Variants in SYAP1 observed in about 807,000 individuals in gnomAD.
SYAP1 encodes the protein synapse-associated protein 1.
A neutral mutation model predicts 29.6 loss-of-function variants in SYAP1; 3 were observed. The observed-to-expected ratio is 0.10, with a 90% confidence interval of 0.05 to 0.26. The LOEUF is 0.26. Ranked by LOEUF, SYAP1 falls within the 10% of genes least tolerant of loss-of-function variation. The pLI is 1.00. For missense variants in SYAP1, 217 were observed against 264.1 expected (o/e 0.82, Z 1.24); for synonymous variants, 102 against 102.7 (o/e 0.99, Z 0.04).
In SYAP1 at chrX:16,757,219, G is replaced by T; in HGVS notation, c.841G>T (p.Asp281Tyr). ...GVSEFVSDAF[D>Y]ACNLNQEDLR... Reference sequence around the variant, plus strand: ...TTCTGAGTTTGTCAGTGATGCCTTCGATGCCTGTAACCTAAATCAGGAAGA... The same window carrying T: ...TTCTGAGTTTGTCAGTGATGCCTTCTATGCCTGTAACCTAAATCAGGAAGA... The change falls in exon 8 of 9, where the codon GAT becomes TAT. Residue 281 changes from aspartate to tyrosine, a missense_variant. Coordinates refer to ENST00000380155, the MANE Select transcript of SYAP1 (RefSeq NM_032796.4). 1 of 1,210,559 alleles carries T rather than the reference G, an allele frequency of 8.3e-7. No homozygotes were observed. The highest frequency in any genetic ancestry group is 1.1e-6 in the Non-Finnish European group (1 of 894,765).
At chrX:16,731,141 A>G (rs772861720) in intron 1 of SYAP1, among the ~76,000 whole-genome samples, 1 of 112,040 alleles carries the variant, frequency 8.9e-6, no homozygotes, top group East Asian at 2.8e-4. Context: ...GAGTTAGACA[A>G]AAATTAGTTA....
intron 1 of SYAP1, among the ~76,000 whole-genome samples, chrX:16,732,530 C>T (rs887934070): frequency 9.0e-6 from 1 of 111,293 alleles, no homozygotes; most frequent in African/African-American, 3.3e-5. Context: ...CCTCGGCCTC[C>T]CAAAGTGCTG....
chrX:16,742,143 GTTT>G (rs144175479), intron 4 of SYAP1, among the ~76,000 whole-genome samples: 11 of 41,872 alleles, frequency 2.6e-4, no homozygotes, highest in African/African-American at 1.5e-3. Flanking sequence ...TTTTTGTGTG[GTTT>G]TTTTTTTTTT....
At chrX:16,754,587 G>T (rs991816964) in intron 5 of SYAP1, among the ~76,000 whole-genome samples, 6 of 110,861 alleles carry the variant, frequency 5.4e-5, no homozygotes, top group African/African-American at 2.0e-4. Flanking sequence ...AATTAGCTGT[G>T]CATGGTGGCG....
intron 1 of SYAP1, among the ~76,000 whole-genome samples, chrX:16,730,221 G>A (rs930819423): frequency 1.8e-5 from 2 of 111,531 alleles, no homozygotes; most frequent in African/African-American, 6.5e-5. Context: ...GGGCGTGGTG[G>A]CAGGTGCCTA....
Position 16,732,845 on chromosome X carries a change from G to A in SYAP1, c.176-2382G>A, listed in dbSNP as rs773493785. ...GGTCATCCGCTGGGGATACAGTGGG[G>A]TATCAGACAGCCCAGGTCCCTGCAC... On this transcript the variant is annotated intron_variant, in intron 1 of 8. Transcript: ENST00000380155. Among the ~76,000 whole-genome samples, 12 of 112,213 alleles carry A rather than the reference G, an allele frequency of 1.1e-4. No homozygotes were observed. In the South Asian group the frequency reaches 4.4e-3, roughly 41 times the overall value.
chrX:16,725,170 G>A (rs2147415326), intron 1 of SYAP1, among the ~76,000 whole-genome samples: 1 of 112,410 alleles, frequency 8.9e-6, no homozygotes, highest in South Asian at 3.7e-4. Flanking sequence ...TTAAATGTTA[G>A]CTGTCGGCCC....
Position 16,762,807 on chromosome X carries a change from G to C in SYAP1, c.*2448G>C, listed in dbSNP as rs1330323151. On this transcript the variant is annotated 3_prime_UTR_variant, in exon 9 of 9. Transcript: ENST00000380155. ...CAGTTGATGTTACTAAGAACGCCCA[G>C]GGGATGAGAATGGACTTTATTTACA... is the stretch of plus-strand genomic sequence containing the variant. The C allele has an allele frequency of 9.0e-6, 1 of 111,608 alleles. No homozygotes were observed. Among genetic ancestry groups the C allele is most frequent in the Non-Finnish European group, 1.9e-5 (1 of 53,164 alleles). 9.2% of individuals were successfully genotyped at this position (111,608 alleles called of 1,213,427 possible). A position where few individuals can be genotyped will look rare whatever the true frequency, so the allele number is the denominator to read the frequency against.
Position 16,738,759 on chromosome X carries a change from T to C in SYAP1, c.361+2527T>C, listed in dbSNP as rs760039557. Among the ~76,000 whole-genome samples, 8 of 108,903 alleles carry C rather than the reference T, an allele frequency of 7.3e-5. No individual in the cohort carries two copies. In the East Asian group the frequency reaches 2.3e-3, roughly 32 times the overall value. The allele number at this position is 108,903 out of a possible 115,157, so 94.6% of individuals were successfully genotyped here. A position where few individuals can be genotyped will look rare whatever the true frequency, so the allele number is the denominator to read the frequency against. The stretch of plus-strand genomic sequence containing the variant: ...TAGCAGAAGCCCAGAGAGGGGAGAG[T>C]TTCCAGGAGAGCAGTCAGCCATGGG... On this transcript the variant is annotated intron_variant, in intron 3 of 8. Transcript: ENST00000380155.
Position 16,729,038 on chromosome X carries a change from C to T in SYAP1, c.176-6189C>T, listed in dbSNP as rs574250028. 1.2e-4 allele frequency among the ~76,000 whole-genome samples: 9 copies of T among 73,518 alleles called. No individual in the cohort carries two copies. In the South Asian group the frequency reaches 4.4e-3, roughly 36 times the overall value. The allele number at this position is 73,518 out of a possible 115,157, so 63.8% of individuals were successfully genotyped here. Reference sequence around the variant, plus strand: ...TGGGCAACAGAGCGAGCAGCTATCTCGAAAAAAAAAAAAGAAAAAAAAAAA... The same window carrying T: ...TGGGCAACAGAGCGAGCAGCTATCTTGAAAAAAAAAAAAGAAAAAAAAAAA... On this transcript the variant is annotated intron_variant, in intron 1 of 8. Transcript: ENST00000380155.
intron 1 of SYAP1, among the ~76,000 whole-genome samples, chrX:16,728,589 C>T (rs919771214): frequency 2.7e-5 from 3 of 109,733 alleles, no homozygotes; most frequent in Non-Finnish European, 5.7e-5. Flanking sequence ...CACTTGAACC[C>T]GGGAGGCGGA....
chrX:16,738,684 T>G (rs984844140), intron 3 of SYAP1, among the ~76,000 whole-genome samples: 2 of 109,960 alleles, frequency 1.8e-5, no homozygotes, highest in Non-Finnish European at 3.8e-5. Context: ...AAAAAGAAAA[T>G]AAAAACAGTG....
At position 16,764,885 on chromosome X, in the gene SYAP1, G is replaced by C. The variant is rs1418170639; in HGVS notation, c.*4526G>C. 4.6e-5 allele frequency: 5 copies of C among 109,589 alleles called. No individual in the cohort carries two copies. The highest frequency in any genetic ancestry group is 9.5e-5 in the Non-Finnish European group (5 of 52,791). The allele number at this position is 109,589 out of a possible 1,213,427, so 9.0% of individuals were successfully genotyped here. A position where few individuals can be genotyped will look rare whatever the true frequency, so the allele number is the denominator to read the frequency against. On this transcript the variant is annotated 3_prime_UTR_variant, in exon 9 of 9. Coordinates refer to ENST00000380155, the MANE Select transcript of SYAP1 (RefSeq NM_032796.4). ...AATTTTTGTATTTTTTGTAGAGATGGGTGTCTCCCCATGTTGCTCAGGCTG... is the reference window on the plus strand; with the variant it reads ...AATTTTTGTATTTTTTGTAGAGATGCGTGTCTCCCCATGTTGCTCAGGCTG...
Position 16,755,086 on chromosome X carries a change from G to C in SYAP1, c.717G>C (p.Pro239=). 8.3e-7 allele frequency: 1 copy of C among 1,211,220 alleles called. No homozygotes were observed. Among genetic ancestry groups the C allele is most frequent in the Non-Finnish European group, 1.1e-6 (1 of 895,161 alleles). ...GCAATGGCAGAGAGCAAGATTTGCCGCTGGCAGGTATATTCTGGGTAGAAG... is the reference window on the plus strand; with the variant it reads ...GCAATGGCAGAGAGCAAGATTTGCCCCTGGCAGGTATATTCTGGGTAGAAG... The part of the protein sequence containing the change: ...EKSNGREQDL[P]LAEAVRPKTP... Residue 239 remains proline (P), a synonymous_variant, in exon 6 of 9, where the codon CCG becomes CCC. Coordinates refer to ENST00000380155, the MANE Select transcript of SYAP1 (RefSeq NM_032796.4).
intron 5 of SYAP1, among the ~76,000 whole-genome samples, chrX:16,747,656 A>C (rs1446247378): frequency 8.8e-6 from 1 of 113,025 alleles, no homozygotes; most frequent in Non-Finnish European, 1.9e-5. Context: ...GTATTTGGCA[A>C]TTAGTGTTTC....
intron 5 of SYAP1, among the ~76,000 whole-genome samples, chrX:16,744,432 A>T (rs935697017): frequency 8.9e-6 from 1 of 112,664 alleles, no homozygotes; most frequent in African/African-American, 3.2e-5. Flanking sequence ...GCATGTTTGG[A>T]GTCAGCGTTC....
intron 5 of SYAP1, among the ~76,000 whole-genome samples, chrX:16,746,382 G>A (rs7888105): frequency 0.013 from 1,346 of 107,637 alleles, 22 homozygotes; most frequent in African/African-American, 0.042. Flanking sequence ...GATTACAAGC[G>A]CCCGCCACCA....
intron 1 of SYAP1, among the ~76,000 whole-genome samples, chrX:16,720,714 T>C (rs774053192): frequency 8.9e-6 from 1 of 112,143 alleles, no homozygotes; most frequent in African/African-American, 3.2e-5. Context: ...GCTTCAGTGA[T>C]CACAGAAAGC....
At position 16,735,246 on chromosome X, in the gene SYAP1, A is replaced by G. The variant is rs1926305170; in HGVS notation, c.195A>G (p.Ala65=). ...TTACAGACTATTTATTTAACTTTGC[A>G]TCTGCTGCCACAAAAAAGATAACTG... ...KDFGNYLFNF[A]SAATKKITES... is the part of the protein sequence containing the mutation. Residue 65 remains alanine, a synonymous_variant, in exon 2 of 9, where the codon GCA becomes GCG. Transcript: ENST00000380155. 1.7e-6 allele frequency: 2 copies of G among 1,191,447 alleles called. No individual in the cohort carries two copies. Among genetic ancestry groups the G allele is most frequent in the Non-Finnish European group, 2.3e-6 (2 of 883,439 alleles).
Sources: gnomAD v4.1 joint callset for allele counts (sites outside exome capture counted in the v4.1 genomes callset) on GRCh38, gnomAD v4.1.1 for gene constraint, MANE v1.5 for transcripts, NCBI Gene and HGNC (gene_info 2026-07-23, HGNC 2026-07-21) for gene names.